SCAPER: variants seen among roughly 807,000 people sequenced by gnomAD.
SCAPER encodes S phase cyclin A-associated protein in the endoplasmic reticulum.
A neutral mutation model predicts 182.2 loss-of-function variants in SCAPER; 98 were observed. The ratio of observed to expected loss-of-function variants is 0.54; its 90% CI spans 0.46 to 0.64. The LOEUF is 0.64. SCAPER is among the 30% of genes least tolerant of loss of function. The pLI is 0.00. For synonymous variants in SCAPER, 605 were observed against 564.6 expected (o/e 1.07, Z -1.01); for missense variants, 1,432 against 1,690.0 (o/e 0.85, Z 2.68).
At chr15:76,638,529 C>T (rs548228073) in intron 21 of SCAPER, among the ~76,000 whole-genome samples, 5 of 152,204 alleles carry the variant, frequency 3.3e-5, no homozygotes, top group African/African-American at 1.2e-4. Context: ...GAGGAGGTTT[C>T]CCTCAATAAT....
chr15:76,765,174 AT>A, intron 13 of SCAPER, 102 bp from the exon 14 acceptor site: 1 of 1,060,678 alleles, frequency 9.4e-7, no homozygotes, highest in Non-Finnish European at 1.3e-6. Context: ...TACAAAACTA[AT>A]TTTGGCCCAA....
At chr15:76,804,196 T>C (rs2065975836) in intron 6 of SCAPER, among the ~76,000 whole-genome samples, 1 of 152,210 alleles carries the variant, frequency 6.6e-6, no homozygotes, top group Non-Finnish European at 1.5e-5. Context: ...TTCCCTGATC[T>C]ATCCTCCAAA....
At chr15:76,708,346 G>A (rs1462145669) in intron 17 of SCAPER, among the ~76,000 whole-genome samples, 2 of 151,860 alleles carry the variant, frequency 1.3e-5, no homozygotes, top group African/African-American at 2.4e-5. Context: ...AGAGCCAAAT[G>A]TATTTTGAAT....
In SCAPER at chr15:76,384,680, C is replaced by G. The variant is rs183110450; in HGVS notation, c.3468-3065G>C. The stretch of plus-strand genomic sequence containing the variant: ...TAAGATAGTGCTTCATGGAAAAGAC[C>G]ATTCATGTTGAAGAGAGCCCACAGA... On this transcript the variant is annotated intron_variant, in intron 27 of 31. Coordinates refer to ENST00000563290, the MANE Select transcript of SCAPER (RefSeq NM_020843.4). Among the ~76,000 whole-genome samples, 4 of 152,226 alleles carry G rather than the reference C, an allele frequency of 2.6e-5. No homozygotes were observed. The East Asian group carries it at 7.7e-4, about 29-fold the overall frequency.
At chr15:76,856,227 G>A (rs1306397633) in intron 4 of SCAPER, among the ~76,000 whole-genome samples, 2 of 151,962 alleles carry the variant, frequency 1.3e-5, no homozygotes, top group African/African-American at 2.4e-5. Context: ...AAGAACTCAT[G>A]AACACAAAGA....
chr15:76,730,652 CAT>C (rs139192173), intron 16 of SCAPER, among the ~76,000 whole-genome samples: 5,711 of 151,862 alleles, frequency 0.038, 182 homozygotes, highest in African/African-American at 0.081. Flanking sequence ...TCTGAAAACA[CAT>C]GTTTCACAAC....
At chr15:76,708,152 C>T (rs1263760481) in intron 17 of SCAPER, among the ~76,000 whole-genome samples, 4 of 152,052 alleles carry the variant, frequency 2.6e-5, no homozygotes, top group African/African-American at 9.7e-5. Flanking sequence ...GAACATTCTC[C>T]CATATATTTT....
chr15:76,389,596 G>A (rs76851724), intron 27 of SCAPER, among the ~76,000 whole-genome samples: 4 of 148,706 alleles, frequency 2.7e-5, no homozygotes, highest in African/African-American at 7.4e-5. Flanking sequence ...GGCAGATCAC[G>A]AGGTCAGGTG....
intron 5 of SCAPER, among the ~76,000 whole-genome samples, chr15:76,809,880 CA>C (rs949683772): frequency 1.4e-4 from 21 of 152,178 alleles, no homozygotes; most frequent in African/African-American, 3.9e-4. Context: ...ATTACACACA[CA>C]GGGGCCCCCA....
intron 23 of SCAPER, among the ~76,000 whole-genome samples, chr15:76,540,516 A>C (rs1365137301): frequency 2.0e-5 from 3 of 152,044 alleles, no homozygotes; most frequent in African/African-American, 7.2e-5. Flanking sequence ...CTATATATAC[A>C]CGTCTATATT....
intron 8 of SCAPER, among the ~76,000 whole-genome samples, chr15:76,783,252 C>T (rs932442657): frequency 2.0e-5 from 3 of 152,128 alleles, no homozygotes; most frequent in Admixed American, 6.5e-5. Context: ...ATACTACAAA[C>T]ACCTCTACAC....
chr15:76,668,108 G>A (rs1264291893), intron 20 of SCAPER, among the ~76,000 whole-genome samples: 1 of 152,066 alleles, frequency 6.6e-6, no homozygotes, highest in African/African-American at 2.4e-5. Context: ...TTCTCTATTT[G>A]AGTAAACGGT....
chr15:76,363,267 A>C (rs1352603216), intron 29 of SCAPER, among the ~76,000 whole-genome samples: 1 of 152,222 alleles, frequency 6.6e-6, no homozygotes, highest in Non-Finnish European at 1.5e-5. Flanking sequence ...TTCATTAACT[A>C]TCTGGGGAAT....
Position 76,665,757 on chromosome 15 carries a change from G to A in SCAPER, c.2541C>T (p.Asp847=). 6.5e-7 allele frequency: 1 copy of A among 1,542,376 alleles called. No individual in the cohort carries two copies. The highest frequency in any genetic ancestry group is 8.7e-7 in the Non-Finnish European group (1 of 1,144,508). The change falls in exon 21 of 32, where the codon GAC becomes GAT. Residue 847 remains aspartate, a synonymous_variant. Transcript: ENST00000563290. ...CTGGAGCTGTACTTTCAACCACAAT[G>A]TCAATAATGTACTTCTTCAAGGAAA... ...EHLSLKKYII[D]IVVESTAPAE...
intron 20 of SCAPER, among the ~76,000 whole-genome samples, chr15:76,698,706 C>A (rs2058776797): frequency 6.6e-6 from 1 of 152,072 alleles, no homozygotes; most frequent in African/African-American, 2.4e-5. Flanking sequence ...CAAAATTCTT[C>A]CAAGTTAAAA....
chr15:76,702,641 G>A (rs2059022087), intron 19 of SCAPER, among the ~76,000 whole-genome samples: 1 of 152,040 alleles, frequency 6.6e-6, no homozygotes. Flanking sequence ...TAGAGACAGG[G>A]TTTCACCATG....
intron 25 of SCAPER, among the ~76,000 whole-genome samples, chr15:76,457,772 T>C (rs2048851147): frequency 6.6e-6 from 1 of 152,190 alleles, no homozygotes; most frequent in African/African-American, 2.4e-5. Context: ...AAGTAAAATT[T>C]GACTTTTAAA....
chr15:76,769,170 G>A (rs868640603), intron 10 of SCAPER, among the ~76,000 whole-genome samples: 7 of 152,038 alleles, frequency 4.6e-5, no homozygotes, highest in Non-Finnish European at 7.4e-5. Flanking sequence ...CTGGCCAGGC[G>A]TGGTGGCTCA....
chr15:76,800,431 C>T, intron 6 of SCAPER, 67 bp from the exon 7 acceptor site: 1 of 1,064,700 alleles, frequency 9.4e-7, no homozygotes, highest in Non-Finnish European at 1.4e-6. Flanking sequence ...AATCTTTTCT[C>T]TTGGTTGTTA....
Sources: allele counts gnomAD v4.1 joint callset (sites outside exome capture counted in the v4.1 genomes callset), GRCh38; gene constraint gnomAD v4.1.1; transcripts MANE v1.5; gene names NCBI Gene and HGNC (gene_info 2026-07-23, HGNC 2026-07-21).